Variants in EBF1 observed in about 807,000 individuals in gnomAD.
EBF1 encodes the protein transcription factor COE1.
In EBF1, 10 loss-of-function variants were observed where a neutral mutation model predicts 68.4. That is an observed-to-expected ratio of 0.15 (90% CI 0.09 to 0.25). The LOEUF is 0.25. Ranked by LOEUF, EBF1 falls within the 10% of genes least tolerant of loss-of-function variation. The pLI is 1.00. For synonymous variants in EBF1, 298 were observed against 299.8 expected (o/e 0.99, Z 0.06); for missense variants, 509 against 794.4 (o/e 0.64, Z 4.32).
chr5:158,895,530 A>G (rs1802002765), intron 6 of EBF1, among the ~76,000 whole-genome samples: 1 of 152,204 alleles, frequency 6.6e-6, no homozygotes, highest in African/African-American at 2.4e-5. Flanking sequence ...GCCAAATATT[A>G]TGCATAATCT....
intron 9 of EBF1, among the ~76,000 whole-genome samples, chr5:158,783,072 A>G (rs1211502747): frequency 6.6e-6 from 1 of 152,198 alleles, no homozygotes; most frequent in Non-Finnish European, 1.5e-5. Flanking sequence ...ATGCCACACA[A>G]GATCTTTGCT....
At chr5:159,093,082 C>A (rs920234422) in intron 4 of EBF1, among the ~76,000 whole-genome samples, 6 of 152,158 alleles carry the variant, frequency 3.9e-5, no homozygotes, top group African/African-American at 1.2e-4. Flanking sequence ...GGCTAAATAT[C>A]AATTATTTTT....
chr5:158,819,084 G>T (rs956980858), intron 8 of EBF1, among the ~76,000 whole-genome samples: 1 of 151,760 alleles, frequency 6.6e-6, no homozygotes, highest in Non-Finnish European at 1.5e-5. Flanking sequence ...CCCAAAAAGG[G>T]GAGAAGGGAA....
intron 12 of EBF1, 135 bp downstream of exon 12, chr5:158,713,977 CATGTT>C: frequency 1.3e-6 from 1 of 779,008 alleles, no homozygotes; most frequent in Non-Finnish European, 2.1e-6. Context: ...CATCTTGCAA[CATGTT>C]ATATCTGAAT....
chr5:159,002,359 A>G (rs1222847741), intron 6 of EBF1, among the ~76,000 whole-genome samples: 1 of 152,218 alleles, frequency 6.6e-6, no homozygotes, highest in Non-Finnish European at 1.5e-5. Flanking sequence ...TGAAAGTGCT[A>G]TAAACAGCCA....
At chr5:158,844,933 G>A (rs1582481507) in intron 6 of EBF1, among the ~76,000 whole-genome samples, 1 of 152,142 alleles carries the variant, frequency 6.6e-6, no homozygotes, top group African/African-American at 2.4e-5. Context: ...ACAGATATTA[G>A]TATCTAGTTT....
At chr5:158,729,061 G>C (rs1420199010) in intron 11 of EBF1, among the ~76,000 whole-genome samples, 1 of 152,192 alleles carries the variant, frequency 6.6e-6, no homozygotes, top group African/African-American at 2.4e-5. Context: ...TGCAGAGATT[G>C]GGTGGAAGAG....
chr5:158,906,818 CTG>C (rs1265374958), intron 6 of EBF1, among the ~76,000 whole-genome samples: 1 of 152,164 alleles, frequency 6.6e-6, no homozygotes, highest in African/African-American at 2.4e-5. Context: ...TACTAGCGCA[CTG>C]TGAAAAATTC....
At chr5:159,090,422 T>C (rs972949756) in intron 4 of EBF1, among the ~76,000 whole-genome samples, 1 of 152,014 alleles carries the variant, frequency 6.6e-6, no homozygotes, top group Non-Finnish European at 1.5e-5. Flanking sequence ...AATAAAAAAA[T>C]AATTTTGCTT....
chr5:158,955,440 C>T (rs762920419), intron 6 of EBF1, among the ~76,000 whole-genome samples: 15 of 152,180 alleles, frequency 9.9e-5, no homozygotes, highest in Non-Finnish European at 1.8e-4. Flanking sequence ...ACTCAGCAGC[C>T]TGGGACCTCC....
intron 11 of EBF1, among the ~76,000 whole-genome samples, chr5:158,726,386 G>A (rs1205900836): frequency 6.6e-6 from 1 of 152,116 alleles, no homozygotes; most frequent in East Asian, 1.9e-4. Flanking sequence ...GGCAGGGCTG[G>A]GAGGGCTGAA....
intron 15 of EBF1, among the ~76,000 whole-genome samples, chr5:158,706,995 CT>C (rs1418638124): frequency 1.3e-5 from 2 of 152,208 alleles, no homozygotes; most frequent in East Asian, 3.8e-4. Context: ...CTTAGGAACC[CT>C]GGCTATGTCT....
At chr5:158,975,542 A>G (rs911489970) in intron 6 of EBF1, among the ~76,000 whole-genome samples, 3 of 152,240 alleles carry the variant, frequency 2.0e-5, no homozygotes, top group Non-Finnish European at 4.4e-5. Context: ...AGAGAGAGGC[A>G]GGAAAAAAAG....
intron 8 of EBF1, among the ~76,000 whole-genome samples, chr5:158,797,970 C>T (rs1253277424): frequency 6.6e-6 from 1 of 152,098 alleles, no homozygotes; most frequent in Non-Finnish European, 1.5e-5. Context: ...AACTATAGGG[C>T]TTTTTCTTAA....
intron 10 of EBF1, among the ~76,000 whole-genome samples, chr5:158,772,804 C>T (rs528452715): frequency 6.6e-6 from 1 of 152,226 alleles, no homozygotes; most frequent in South Asian, 2.1e-4. Flanking sequence ...TCATAATGGC[C>T]ACCATTTATT....
chr5:158,871,034 C>T (rs927588533), intron 6 of EBF1, among the ~76,000 whole-genome samples: 9 of 152,126 alleles, frequency 5.9e-5, no homozygotes, highest in Admixed American at 1.3e-4. Context: ...CACTCTAATA[C>T]GACAGAAGGA....
intron 15 of EBF1, among the ~76,000 whole-genome samples, chr5:158,699,516 C>T (rs1427773935): frequency 1.3e-5 from 2 of 152,116 alleles, no homozygotes; most frequent in Non-Finnish European, 2.9e-5. Context: ...TTTCCCTCCC[C>T]TTCACACCCA....
chr5:159,061,759 A>G (rs1775891759), intron 6 of EBF1, among the ~76,000 whole-genome samples: 1 of 151,970 alleles, frequency 6.6e-6, no homozygotes, highest in Non-Finnish European at 1.5e-5. Flanking sequence ...TCAATCCTAA[A>G]TAAAATAGCC....
At chr5:159,010,842 G>A (rs1486915336) in intron 6 of EBF1, among the ~76,000 whole-genome samples, 1 of 152,184 alleles carries the variant, frequency 6.6e-6, no homozygotes, top group South Asian at 2.1e-4. Flanking sequence ...ATTGAAAAAA[G>A]CTGCAAAGAA....
Sources: gnomAD v4.1 joint callset for allele counts (sites outside exome capture counted in the v4.1 genomes callset) on GRCh38, gnomAD v4.1.1 for gene constraint, MANE v1.5 for transcripts, NCBI Gene and HGNC (gene_info 2026-07-23, HGNC 2026-07-21) for gene names.